The following ZBTB20 variants were observed in gnomAD, a reference collection of about 807,000 sequenced individuals.
ZBTB20 encodes the protein zinc finger and BTB domain-containing protein 20.
A neutral mutation model predicts 56.9 loss-of-function variants in ZBTB20; 9 were observed. The ratio of observed to expected loss-of-function variants is 0.16; its 90% CI spans 0.10 to 0.28. The LOEUF (loss-of-function observed/expected upper bound fraction) is 0.28. ZBTB20 is among the 10% of genes least tolerant of loss of function. The probability of loss-of-function intolerance (pLI) is 1.00; values close to 1 mark genes in which losing one functional copy is unlikely to be tolerated. For missense variants in ZBTB20, 655 were observed against 1,003.0 expected (o/e 0.65, Z 4.69); for synonymous variants, 417 against 420.7 (o/e 0.99, Z 0.11).
intron 6 of ZBTB20, among the ~76,000 whole-genome samples, chr3:114,590,540 A>AAAAT (rs968516921): frequency 6.6e-6 from 1 of 150,758 alleles, no homozygotes; most frequent in Non-Finnish European, 1.5e-5. Context: ...AACAAAAATA[A>AAAAT]AAATAAATAA....
chr3:114,925,132 T>C (rs200151580), intron 3 of ZBTB20, among the ~76,000 whole-genome samples: 5 of 151,590 alleles, frequency 3.3e-5, no homozygotes, highest in Admixed American at 1.3e-4. Flanking sequence ...TACAGGCACA[T>C]GCCACCACAC....
Position 115,052,047 on chromosome 3 carries a change from C to T in ZBTB20, c.-507+19172G>A, listed in dbSNP as rs528480151. ...ACCTCCCATCAAGTCCCTCCCCCAA[C>T]ATTGGGGATTAAAATACAACATGAG... On this transcript the variant is annotated intron_variant, in intron 2 of 11. Transcript: ENST00000675478. Among the ~76,000 whole-genome samples, 6 of 152,234 alleles carry T rather than the reference C, an allele frequency of 3.9e-5. No individual in the cohort carries two copies. In the South Asian group the frequency reaches 6.2e-4, roughly 16 times the overall value.
chr3:114,619,495 G>T (rs1258551794), intron 6 of ZBTB20, among the ~76,000 whole-genome samples: 1 of 151,856 alleles, frequency 6.6e-6, no homozygotes, highest in Middle Eastern at 3.2e-3. Context: ...ACAATATTTT[G>T]GGTTTTTTTT....
At chr3:115,087,741 G>T (rs1190368077) in intron 1 of ZBTB20, among the ~76,000 whole-genome samples, 1 of 151,862 alleles carries the variant, frequency 6.6e-6, no homozygotes, top group Non-Finnish European at 1.5e-5. Context: ...ATAGTTTCAG[G>T]CACCAACTGC....
At chr3:114,915,906 T>C (rs1283255110) in intron 3 of ZBTB20, among the ~76,000 whole-genome samples, 4 of 152,066 alleles carry the variant, frequency 2.6e-5, no homozygotes, top group South Asian at 2.1e-4. Flanking sequence ...TTTTATTCCA[T>C]GGTGATCAGA....
chr3:115,014,585 TA>T (rs1198727217), intron 2 of ZBTB20, among the ~76,000 whole-genome samples: 4 of 151,072 alleles, frequency 2.6e-5, no homozygotes, highest in African/African-American at 9.7e-5. Context: ...ATAAAAATAA[TA>T]AATAAATATT....
At chr3:115,144,010 A>G (rs777985728) in intron 1 of ZBTB20, among the ~76,000 whole-genome samples, 10 of 152,224 alleles carry the variant, frequency 6.6e-5, no homozygotes, top group Non-Finnish European at 1.0e-4. Context: ...TAAGCTCCAC[A>G]AGGGCAGGCA....
chr3:114,525,635 G>C (rs1466249309), intron 6 of ZBTB20, among the ~76,000 whole-genome samples: 1 of 151,910 alleles, frequency 6.6e-6, no homozygotes, highest in African/African-American at 2.4e-5. Flanking sequence ...TGTTTCATAT[G>C]GGTTATTCTT....
At chr3:114,481,705 T>G (rs1321270802) in intron 7 of ZBTB20, among the ~76,000 whole-genome samples, 1 of 152,214 alleles carries the variant, frequency 6.6e-6, no homozygotes, top group Non-Finnish European at 1.5e-5. Context: ...CCTTCCCTAA[T>G]AGTCAGTGGA....
rs118128765 is a variant in ZBTB20 at position 114,559,419 on chromosome 3, C to A, written c.-294-59028G>T. 2.0e-4 allele frequency among the ~76,000 whole-genome samples: 31 copies of A among 152,284 alleles called. No homozygotes were observed. The East Asian group carries it at 5.0e-3, about 25-fold the overall frequency. On this transcript the variant is annotated intron_variant, in intron 6 of 11. Coordinates refer to ENST00000675478, the MANE Select transcript of ZBTB20 (RefSeq NM_001348800.3). ...GTATTGCACAATTCTGGTCTGAAAT[C>A]TTGTTAGCCCAGTCAGTCCTACAGT...
At chr3:114,979,010 GA>G (rs1474189123) in intron 2 of ZBTB20, among the ~76,000 whole-genome samples, 1 of 151,714 alleles carries the variant, frequency 6.6e-6, no homozygotes, top group African/African-American at 2.4e-5. Flanking sequence ...TGTAAGGAAG[GA>G]AAGGAGAAAG....
rs116905895 is a variant in ZBTB20, at chr3:115,053,462, C to T, written c.-507+17757G>A. On this transcript the variant is annotated intron_variant, in intron 2 of 11. Coordinates refer to ENST00000675478, the MANE Select transcript of ZBTB20 (RefSeq NM_001348800.3). The stretch of plus-strand genomic sequence containing the variant: ...AGAAGTAAACAGGGATGGAAGCCAA[C>T]CATAACTCCAATCTCACTCAGGGTG... 1.5e-3 allele frequency among the ~76,000 whole-genome samples: 223 copies of T among 152,262 alleles called. 4 individuals are homozygous for T. In the East Asian group the frequency reaches 0.026, roughly 18 times the overall value.
rs150289124 is a variant in ZBTB20, at chr3:114,372,454, G to A, written c.199+7763C>T. On this transcript the variant is annotated intron_variant, in intron 10 of 11. Coordinates refer to ENST00000675478, the MANE Select transcript of ZBTB20 (RefSeq NM_001348800.3). Reference sequence around the variant, plus strand: ...TAAGAGGACAGACTGTTAGAGTCGGGAAGGGCCACAAATCCATGACAAAGT... The same window carrying A: ...TAAGAGGACAGACTGTTAGAGTCGGAAAGGGCCACAAATCCATGACAAAGT... Among the ~76,000 whole-genome samples, 944 of 152,308 alleles carry A rather than the reference G, an allele frequency of 6.2e-3. 3 individuals are homozygous for A. The highest frequency in any genetic ancestry group is 0.024 in the Middle Eastern group (7 of 294).
chr3:114,720,704 A>G (rs531720587), intron 5 of ZBTB20, among the ~76,000 whole-genome samples: 3 of 152,310 alleles, frequency 2.0e-5, no homozygotes, highest in South Asian at 4.1e-4. Flanking sequence ...GAAACTTCCA[A>G]TTCAGACCAT....
rs149401241 is a variant in ZBTB20, at chr3:114,952,035, C to T, written c.-456+22331G>A. On this transcript the variant is annotated intron_variant, in intron 3 of 11. Coordinates refer to ENST00000675478, the MANE Select transcript of ZBTB20 (RefSeq NM_001348800.3). ...ATCAACTGAAATTATGCAATATGAGCAATAAAGAAAAAAAGTGGCTCAGAA... is the reference window on the plus strand; with the variant it reads ...ATCAACTGAAATTATGCAATATGAGTAATAAAGAAAAAAAGTGGCTCAGAA... 7.5e-4 allele frequency among the ~76,000 whole-genome samples: 114 copies of T among 151,836 alleles called. 1 individual carries two copies. The East Asian group carries it at 0.015, about 20-fold the overall frequency.
intron 5 of ZBTB20, among the ~76,000 whole-genome samples, chr3:114,796,684 A>G (rs1183548266): frequency 6.6e-6 from 1 of 151,952 alleles, no homozygotes; most frequent in African/African-American, 2.4e-5. Context: ...AAAGAATGAT[A>G]TATTTTGAGT....
intron 6 of ZBTB20, among the ~76,000 whole-genome samples, chr3:114,627,741 T>C (rs959570073): frequency 3.3e-5 from 5 of 152,174 alleles, no homozygotes; most frequent in African/African-American, 1.2e-4. Flanking sequence ...ACACAAAATA[T>C]CTTATACAAC....
At chr3:114,785,807 C>T (rs1271639204) in intron 5 of ZBTB20, among the ~76,000 whole-genome samples, 1 of 152,052 alleles carries the variant, frequency 6.6e-6, no homozygotes, top group Non-Finnish European at 1.5e-5. Flanking sequence ...AGATCTTACT[C>T]TCTGCGTAAA....
intron 1 of ZBTB20, among the ~76,000 whole-genome samples, chr3:115,140,196 T>C (rs2084771712): frequency 6.6e-6 from 1 of 152,072 alleles, no homozygotes; most frequent in South Asian, 2.1e-4. Flanking sequence ...ATAGATCATG[T>C]AACTAATTAA....
Sources: allele counts gnomAD v4.1 joint callset (sites outside exome capture counted in the v4.1 genomes callset), GRCh38; gene constraint gnomAD v4.1.1; transcripts MANE v1.5; gene names NCBI Gene and HGNC (gene_info 2026-07-23, HGNC 2026-07-21).